The following ARL6IP5 variants were observed in gnomAD, a reference collection of about 807,000 sequenced individuals.
The protein encoded by ARL6IP5 is ARF like GTPase 6 interacting protein 5.
ARL6IP5 carries 6 observed loss-of-function variants against 13.0 expected under a neutral mutation model. The observed-to-expected ratio is 0.46, with a 90% confidence interval of 0.25 to 0.91. ARL6IP5 has a LOEUF of 0.91. Ranked by LOEUF, ARL6IP5 falls within the 40% of genes least tolerant of loss-of-function variation. ARL6IP5 has a pLI of 0.17. For missense variants in ARL6IP5, 208 were observed against 248.8 expected (o/e 0.84, Z 1.10); for synonymous variants, 91 against 91.9 (o/e 0.99, Z 0.06).
Position 69,104,925 on chromosome 3 carries a change from TA to T in ARL6IP5, c.*293del, listed in dbSNP as rs1559655954. 2 of 692,448 alleles carry T rather than the reference TA, an allele frequency of 2.9e-6. No homozygotes were observed. Among genetic ancestry groups the T allele is most frequent in the Non-Finnish European group, 5.2e-6 (2 of 382,350 alleles). 42.9% of individuals were successfully genotyped at this position (692,448 alleles called of 1,614,324 possible). On this transcript the variant is annotated 3_prime_UTR_variant, in exon 3 of 3. Coordinates refer to ENST00000273258, the MANE Select transcript of ARL6IP5 (RefSeq NM_006407.4). ...ATTTCTTTAAGGGAATTAAAAAAAA[TA>T]AAAGAATTACGGCTTTTACAGCAAC...
chr3:69,100,594 A>G (rs1186561711), intron 1 of ARL6IP5, among the ~76,000 whole-genome samples: 7 of 152,136 alleles, frequency 4.6e-5, no homozygotes, highest in African/African-American at 1.4e-4. Flanking sequence ...AGCCTGGCCA[A>G]CATGGCAAAA....
rs528001807 is a variant in ARL6IP5 at position 69,085,075 on chromosome 3, G to T, written c.28G>T (p.Ala10Ser). The change falls in exon 1 of 3, where the codon GCC becomes TCC. Residue 10 changes from alanine to serine, a missense_variant. Coordinates refer to ENST00000273258, the MANE Select transcript of ARL6IP5 (RefSeq NM_006407.4). ...GGACGTTAATATCGCCCCACTCCGC[G>T]CCTGGGACGATTTCTTCCCGGGTTC... MDVNIAPLR[A>S]WDDFFPGSDR... is the part of the protein sequence containing the mutation. 5 of 1,614,132 alleles carry T rather than the reference G, an allele frequency of 3.1e-6. No homozygotes were observed. Among genetic ancestry groups the T allele is most frequent in the East Asian group, 4.5e-5 (2 of 44,886 alleles).
At chr3:69,104,339 G>C in intron 2 of ARL6IP5, 125 bp from the exon 3 acceptor site, 1 of 930,100 alleles carries the variant, frequency 1.1e-6, no homozygotes, top group South Asian at 1.9e-5. Context: ...GCATCAATTC[G>C]AGAAGCAGAC....
chr3:69,105,426 C>G lies in ARL6IP5; in HGVS notation c.*790C>G, dbSNP rs1161350659. Reference sequence around the variant, plus strand: ...TTACCTTGCACATTTTTTGTTGTTACAGTGAAAAAAATGGTCCAAGAAAAT... The same window carrying G: ...TTACCTTGCACATTTTTTGTTGTTAGAGTGAAAAAAATGGTCCAAGAAAAT... On this transcript the variant is annotated 3_prime_UTR_variant, in exon 3 of 3. Coordinates refer to ENST00000273258, the MANE Select transcript of ARL6IP5 (RefSeq NM_006407.4). The G allele has an allele frequency of 6.6e-6, 1 of 152,076 alleles. No homozygotes were observed. The highest frequency in any genetic ancestry group is 1.5e-5 in the Non-Finnish European group (1 of 68,018). The allele number at this position is 152,076 out of a possible 1,614,324, so 9.4% of individuals were successfully genotyped here.
rs572330189 is a variant in ARL6IP5, at chr3:69,094,902, C to T, written c.177-6937C>T. 5.3e-5 allele frequency among the ~76,000 whole-genome samples: 8 copies of T among 151,700 alleles called. No homozygotes were observed. The South Asian group carries it at 1.7e-3, about 32-fold the overall frequency. ...TTTGTGAGATTTTTTTTTCCCCTTT[C>T]AGTAACTTGTGGTAAAACTATAGAC... is the stretch of plus-strand genomic sequence containing the variant. On this transcript the variant is annotated intron_variant, in intron 1 of 2. Transcript: ENST00000273258.
At chr3:69,090,695 A>G (rs539281792) in intron 1 of ARL6IP5, among the ~76,000 whole-genome samples, 2 of 152,272 alleles carry the variant, frequency 1.3e-5, no homozygotes, top group East Asian at 1.9e-4. Flanking sequence ...AGCACCTACC[A>G]TGTGGTAGAC....
rs2092315950 is a variant in ARL6IP5, at chr3:69,104,471, T to C, written c.402T>C (p.Phe134=). The C allele has an allele frequency of 6.2e-7, 1 of 1,613,168 alleles. No homozygotes were observed. Among genetic ancestry groups the C allele is most frequent in the African/African-American group, 1.3e-5 (1 of 74,902 alleles). Residue 134 remains phenylalanine, a synonymous_variant, in exon 3 of 3, where the codon TTT becomes TTC. Coordinates refer to ENST00000273258, the MANE Select transcript of ARL6IP5 (RefSeq NM_006407.4). ...FGITFPLLLM[F]IHASLRLRNL... ...GGTGTCCCTTCTCTGCAGTGATGTT[T>C]ATCCATGCATCGTTGAGACTTCGGA...
chr3:69,090,681 A>G lies in ARL6IP5; in HGVS notation c.176+5458A>G, dbSNP rs929079995. On this transcript the variant is annotated intron_variant, in intron 1 of 2. Coordinates refer to ENST00000273258, the MANE Select transcript of ARL6IP5 (RefSeq NM_006407.4). The stretch of plus-strand genomic sequence containing the variant: ...GATCCTTCTATTCCATTGAACAAAT[A>G]CTGAGCACCTACCATGTGGTAGACA... Among the ~76,000 whole-genome samples, 5 of 152,310 alleles carry G rather than the reference A, an allele frequency of 3.3e-5. No homozygotes were observed. In the South Asian group the frequency reaches 1.0e-3, roughly 32 times the overall value.
At chr3:69,090,054 T>G (rs2092260203) in intron 1 of ARL6IP5, 4 of 346,514 alleles carry the variant, frequency 1.2e-5, no homozygotes, top group Non-Finnish European at 1.7e-5. Context: ...CTCTGTAATA[T>G]GTTCTAGGCC....
intron 1 of ARL6IP5, among the ~76,000 whole-genome samples, chr3:69,101,586 G>T (rs1208515778): frequency 3.3e-5 from 5 of 152,056 alleles, no homozygotes; most frequent in African/African-American, 1.2e-4. Context: ...CTCTGAAAGT[G>T]CTGGGATTAT....
chr3:69,104,707 T>C lies in ARL6IP5; in HGVS notation c.*71T>C. 6.5e-7 allele frequency: 1 copy of C among 1,549,000 alleles called. No individual in the cohort carries two copies. Among genetic ancestry groups the C allele is most frequent in the Non-Finnish European group, 8.8e-7 (1 of 1,134,964 alleles). The stretch of plus-strand genomic sequence containing the variant: ...CTTGCCCTTGTCCAGACCTATGTTC[T>C]GCTTGCGTTTTTGAAACAGGAGGTG... On this transcript the variant is annotated 3_prime_UTR_variant, in exon 3 of 3. Coordinates refer to ENST00000273258, the MANE Select transcript of ARL6IP5 (RefSeq NM_006407.4).
chr3:69,097,886 T>C (rs2092291854), intron 1 of ARL6IP5, among the ~76,000 whole-genome samples: 1 of 152,162 alleles, frequency 6.6e-6, no homozygotes, highest in African/African-American at 2.4e-5. Context: ...ACAGCTTCGC[T>C]GTGGTTCATG....
chr3:69,102,153 G>A lies in ARL6IP5; in HGVS notation c.394+97G>A, dbSNP rs190050231. On this transcript the variant is annotated intron_variant, in intron 2 of 2. Coordinates refer to ENST00000273258, the MANE Select transcript of ARL6IP5 (RefSeq NM_006407.4). Reference sequence around the variant, plus strand: ...ACCCATTTCTTATATGTGTTGGCATGTCAGCAAAAGTGTCAGAATTTTCTA... The same window carrying A: ...ACCCATTTCTTATATGTGTTGGCATATCAGCAAAAGTGTCAGAATTTTCTA... The A allele has an allele frequency of 1.1e-3, 1,447 of 1,315,612 alleles. 26 individuals carry two copies. The highest frequency in any genetic ancestry group is 2.6e-4 in the Middle Eastern group (1 of 3,898). The allele number at this position is 1,315,612 out of a possible 1,614,324, so 81.5% of individuals were successfully genotyped here.
chr3:69,094,660 A>G (rs2092281219), intron 1 of ARL6IP5, among the ~76,000 whole-genome samples: 1 of 152,160 alleles, frequency 6.6e-6, no homozygotes, highest in Non-Finnish European at 1.5e-5. Flanking sequence ...TCCTCAGGAA[A>G]TATTTTGCTG....
At position 69,100,425 on chromosome 3, in the gene ARL6IP5, A is replaced by G. The variant is rs551555164; in HGVS notation, c.177-1414A>G. On this transcript the variant is annotated intron_variant, in intron 1 of 2. Coordinates refer to ENST00000273258, the MANE Select transcript of ARL6IP5 (RefSeq NM_006407.4). ...TCTCTATGTGAGGAGTCATAAACTC[A>G]AATGCCTCCATGGGGCAGGCAGGTT... Among the ~76,000 whole-genome samples, 27 of 152,340 alleles carry G rather than the reference A, an allele frequency of 1.8e-4. No homozygotes were observed. The East Asian group carries it at 4.8e-3, about 27-fold the overall frequency.
Position 69,092,853 on chromosome 3 carries a change from C to G in ARL6IP5, c.176+7630C>G, listed in dbSNP as rs546223401. ...TTTTTTTTAATTTTCTAAAATCATT[C>G]AAGAAGAACAGTTTGTAAACAAATA... On this transcript the variant is annotated intron_variant, in intron 1 of 2. Transcript: ENST00000273258. 4.7e-5 allele frequency among the ~76,000 whole-genome samples: 7 copies of G among 148,222 alleles called. No homozygotes were observed. The South Asian group carries it at 1.5e-3, about 32-fold the overall frequency.
At chr3:69,085,903 C>T (rs2092246131) in intron 1 of ARL6IP5, among the ~76,000 whole-genome samples, 1 of 152,266 alleles carries the variant, frequency 6.6e-6, no homozygotes. Context: ...TATCAGAAGG[C>T]CTTTTCAATA....
chr3:69,097,351 T>TG (rs2092290465), intron 1 of ARL6IP5, among the ~76,000 whole-genome samples: 1 of 151,246 alleles, frequency 6.6e-6, no homozygotes, highest in African/African-American at 2.4e-5. Flanking sequence ...TTTTTTTTTT[T>TG]TTTGGAGAGA....
intron 2 of ARL6IP5, among the ~76,000 whole-genome samples, chr3:69,103,904 A>G (rs2092313995): frequency 6.6e-6 from 1 of 152,182 alleles, no homozygotes; most frequent in Non-Finnish European, 1.5e-5. Flanking sequence ...TGGTAAAATA[A>G]TCAAGCAAGT....
Sources: gnomAD v4.1 joint callset for allele counts (sites outside exome capture counted in the v4.1 genomes callset) on GRCh38, gnomAD v4.1.1 for gene constraint, MANE v1.5 for transcripts, NCBI Gene and HGNC (gene_info 2026-07-23, HGNC 2026-07-21) for gene names.